The following SEM1 variants were observed in gnomAD, a reference collection of about 807,000 sequenced individuals.
The protein encoded by SEM1 is 26S proteasome complex subunit SEM1.
SEM1 carries 3 observed loss-of-function variants against 12.7 expected under a neutral mutation model. The ratio of observed to expected loss-of-function variants is 0.24; its 90% CI spans 0.11 to 0.61. The LOEUF is 0.61. Ranked by LOEUF, SEM1 falls within the 20% of genes least tolerant of loss-of-function variation. SEM1 has a pLI of 0.88. For synonymous variants in SEM1, 30 were observed against 27.8 expected (o/e 1.08, Z -0.25); for missense variants, 59 against 81.3 (o/e 0.73, Z 1.06).
chr7:96,535,663 A>G (rs1014700273), intron 2 of SEM1, among the ~76,000 whole-genome samples: 1 of 151,644 alleles, frequency 6.6e-6, no homozygotes, highest in African/African-American at 2.4e-5. Flanking sequence ...CTTTCTGTCC[A>G]TGTGTTCTCC....
At chr7:96,607,703 T>C (rs73392843) in intron 2 of SEM1, among the ~76,000 whole-genome samples, 4,379 of 152,234 alleles carry the variant, frequency 0.029, 191 homozygotes, top group African/African-American at 0.1. Flanking sequence ...ATGGAGATAC[T>C]CTCTTCCTTG....
chr7:96,504,238 G>C (rs1027014913), intron 3 of SEM1, among the ~76,000 whole-genome samples: 1 of 152,008 alleles, frequency 6.6e-6, no homozygotes, highest in Non-Finnish European at 1.5e-5. Context: ...TATTTTTATG[G>C]TTTTCACATC....
chr7:96,591,286 T>A (rs769512294), intron 2 of SEM1, among the ~76,000 whole-genome samples: 11 of 152,186 alleles, frequency 7.2e-5, no homozygotes, highest in Non-Finnish European at 1.5e-4. Flanking sequence ...CCTGAAAAGA[T>A]TTACCTACTC....
chr7:96,705,584 T>C lies in SEM1; in HGVS notation c.76+4104A>G, dbSNP rs1054084720. On this transcript the variant is annotated intron_variant, in intron 1 of 2. Coordinates refer to ENST00000248566, the MANE Select transcript of SEM1 (RefSeq NM_006304.2). Reference sequence around the variant, plus strand: ...GGCTCATGCCTGTAATCCCAGCACTTTGGGAGGCCGAGGCGGGCGGATCAC... The same window carrying C: ...GGCTCATGCCTGTAATCCCAGCACTCTGGGAGGCCGAGGCGGGCGGATCAC... Among the ~76,000 whole-genome samples, 2 of 152,062 alleles carry C rather than the reference T, an allele frequency of 1.3e-5. 1 individual carries two copies. Among genetic ancestry groups the C allele is most frequent in the Admixed American group, 1.3e-4 (2 of 15,278 alleles).
At chr7:96,562,754 G>C (rs1448024045) in intron 2 of SEM1, among the ~76,000 whole-genome samples, 1 of 152,218 alleles carries the variant, frequency 6.6e-6, no homozygotes, top group Admixed American at 6.5e-5. Context: ...ATAGTGAACA[G>C]AGGGAGTGTG....
rs563315889 is a variant in SEM1 at position 96,585,858 on chromosome 7, C to T, written c.171-79160G>A. Among the ~76,000 whole-genome samples, 75 of 152,298 alleles carry T rather than the reference C, an allele frequency of 4.9e-4. No individual in the cohort carries two copies. In the South Asian group the frequency reaches 0.016, roughly 32 times the overall value. ...CGGTGCGCGCACCCACTGACCTGCG[C>T]CCACTGTCTGGCACTCCCTAGTGAG... On this transcript the variant is annotated intron_variant and NMD_transcript_variant, in intron 2 of 3. Coordinates refer to the SEM1 transcript ENST00000466986.
chr7:96,486,425 G>A (rs747042177), intron 1 of SEM1: 2 of 1,535,622 alleles, frequency 1.3e-6, no homozygotes, highest in Admixed American at 3.9e-5. Context: ...GTCCTATAAG[G>A]GAAGTTGAAG....
downstream of SEM1, among the ~76,000 whole-genome samples, chr7:96,669,808 A>T (rs996797528): frequency 1.3e-5 from 2 of 152,174 alleles, no homozygotes; most frequent in South Asian, 2.1e-4. Flanking sequence ...TTATTACTTT[A>T]TCTCTTTTCT....
intron 2 of SEM1, among the ~76,000 whole-genome samples, chr7:96,600,888 G>A (rs1807177894): frequency 1.3e-5 from 2 of 152,154 alleles, no homozygotes; most frequent in Admixed American, 6.5e-5. Context: ...GAAATAGGAG[G>A]CAGAGAGGAA....
At chr7:96,670,881 TGTCAATGG>T (rs1475286247), downstream of SEM1, among the ~76,000 whole-genome samples, 1 of 152,142 alleles carries the variant, frequency 6.6e-6, no homozygotes, top group African/African-American at 2.4e-5. Context: ...TTCTAATAAA[TGTCAATGG>T]GGAAACTGTG....
intron 2 of SEM1, among the ~76,000 whole-genome samples, chr7:96,572,122 G>A (rs934696087): frequency 2.0e-5 from 3 of 152,118 alleles, no homozygotes; most frequent in Non-Finnish European, 2.9e-5. Context: ...TGTGGGATCG[G>A]TGGTGATATC....
At chr7:96,523,044 G>T (rs1160721322) in intron 2 of SEM1, among the ~76,000 whole-genome samples, 3 of 152,104 alleles carry the variant, frequency 2.0e-5, no homozygotes, top group Admixed American at 6.6e-5. Flanking sequence ...CTGTGGCTCA[G>T]CTTTGTGTTA....
intron 2 of SEM1, among the ~76,000 whole-genome samples, chr7:96,616,500 C>T (rs1807726999): frequency 1.3e-5 from 2 of 151,886 alleles, no homozygotes; most frequent in African/African-American, 4.8e-5. Context: ...CTGTAGGTTA[C>T]CTGTTTGCAA....
intron 2 of SEM1, among the ~76,000 whole-genome samples, chr7:96,511,398 C>T (rs1584724876): frequency 6.6e-6 from 1 of 151,982 alleles, no homozygotes; most frequent in African/African-American, 2.4e-5. Context: ...GAGAGAGATT[C>T]TTTTTGATTG....
At chr7:96,527,656 T>C (rs758615051) in intron 2 of SEM1, among the ~76,000 whole-genome samples, 9 of 152,180 alleles carry the variant, frequency 5.9e-5, no homozygotes, top group Non-Finnish European at 1.3e-4. Flanking sequence ...TGTATTTGAA[T>C]GGTGGTTTCA....
At chr7:96,638,688 A>ATTAAGAATAACATAAC (rs745453277) in intron 2 of SEM1, among the ~76,000 whole-genome samples, 5 of 152,090 alleles carry the variant, frequency 3.3e-5, no homozygotes, top group Non-Finnish European at 7.4e-5. Context: ...TCTTTATAAT[A>ATTAAGAATAACATAAC]TTAAGAATAA....
intron 2 of SEM1, among the ~76,000 whole-genome samples, chr7:96,541,443 G>GTTTT (rs61049763): frequency 2.9e-5 from 3 of 102,380 alleles, no homozygotes; most frequent in East Asian, 3.2e-4. Flanking sequence ...TTTTTTTTTT[G>GTTTT]TTTTTTTTTT....
intron 2 of SEM1, chr7:96,645,812 TA>T (rs1317471246): frequency 9.0e-5 from 36 of 398,348 alleles, no homozygotes; most frequent in Non-Finnish European, 3.1e-5. Context: ...ATAGGAGAAC[TA>T]GGGGTGATGC....
chr7:96,514,377 T>G (rs1386772185), intron 2 of SEM1, among the ~76,000 whole-genome samples: 2 of 152,086 alleles, frequency 1.3e-5, no homozygotes, highest in Non-Finnish European at 2.9e-5. Context: ...CATACCCAGC[T>G]GCAACTACAT....
Sources: gnomAD v4.1 joint callset for allele counts (sites outside exome capture counted in the v4.1 genomes callset) on GRCh38, gnomAD v4.1.1 for gene constraint, MANE v1.5 for transcripts, NCBI Gene and HGNC (gene_info 2026-07-23, HGNC 2026-07-21) for gene names.